Variants in ATP6V1C1 observed in about 807,000 individuals in gnomAD.
ATP6V1C1 encodes the protein ATPase H+ transporting V1 subunit C1.
In ATP6V1C1, 45 loss-of-function variants were observed where a neutral mutation model predicts 53.9. That is an observed-to-expected ratio of 0.83 (90% CI 0.66 to 1.07). The LOEUF is 1.07. Among genes scored for constraint, ATP6V1C1 ranks in the 50% least tolerant of loss-of-function variants. The pLI is 0.00. For missense variants in ATP6V1C1, 315 were observed against 440.3 expected (o/e 0.72, Z 2.55); for synonymous variants, 153 against 155.2 (o/e 0.99, Z 0.11).
intron 9 of ATP6V1C1, 21 bp from the exon 10 acceptor site, chr8:103,063,114 T>C (rs775220823): frequency 1.2e-5 from 20 of 1,607,800 alleles, no homozygotes; most frequent in Non-Finnish European, 1.7e-5. Flanking sequence ...AACAATTTTG[T>C]TTTTTTTCCC....
intron 1 of ATP6V1C1, among the ~76,000 whole-genome samples, chr8:103,035,286 C>A (rs1385425257): frequency 6.6e-6 from 1 of 151,610 alleles, no homozygotes; most frequent in Non-Finnish European, 1.5e-5. Flanking sequence ...TTGCGTTTAT[C>A]TCTAAATCAG....
intron 3 of ATP6V1C1, among the ~76,000 whole-genome samples, chr8:103,043,102 G>A (rs1377486061): frequency 3.3e-5 from 5 of 151,986 alleles, no homozygotes; most frequent in African/African-American, 1.2e-4. Context: ...TTTTTCTTGG[G>A]TATGTACCTA....
At chr8:103,050,081 C>A (rs1817174519) in intron 4 of ATP6V1C1, among the ~76,000 whole-genome samples, 1 of 152,164 alleles carries the variant, frequency 6.6e-6, no homozygotes, top group African/African-American at 2.4e-5. Flanking sequence ...TTTCTTCTTG[C>A]AAATAATAGC....
intron 3 of ATP6V1C1, among the ~76,000 whole-genome samples, chr8:103,046,750 G>T (rs1817103552): frequency 6.6e-6 from 1 of 152,114 alleles, no homozygotes; most frequent in African/African-American, 2.4e-5. Flanking sequence ...AAGTGTTAAA[G>T]GCCAAATATT....
intron 1 of ATP6V1C1, among the ~76,000 whole-genome samples, chr8:103,038,580 CAA>C (rs1180553151): frequency 1.3e-5 from 2 of 151,780 alleles, no homozygotes; most frequent in Non-Finnish European, 2.9e-5. Context: ...TTTATAATAG[CAA>C]AAAAGTAAAA....
intron 1 of ATP6V1C1, among the ~76,000 whole-genome samples, chr8:103,039,962 G>C (rs1318535941): frequency 1.3e-5 from 2 of 151,728 alleles, no homozygotes; most frequent in Non-Finnish European, 2.9e-5. Flanking sequence ...TCAAAGATTT[G>C]AGGAGATTTC....
At chr8:103,043,277 G>T (rs1817033008) in intron 3 of ATP6V1C1, among the ~76,000 whole-genome samples, 1 of 151,952 alleles carries the variant, frequency 6.6e-6, no homozygotes, top group African/African-American at 2.4e-5. Context: ...TTTATTATTT[G>T]TCTTTTTGAT....
At chr8:103,051,642 G>GAGT (rs1383816264) in intron 5 of ATP6V1C1, among the ~76,000 whole-genome samples, 1 of 152,072 alleles carries the variant, frequency 6.6e-6, no homozygotes, top group Non-Finnish European at 1.5e-5. Context: ...TAGTTTCAGG[G>GAGT]AGTACATGGA....
chr8:103,049,523 A>C (rs566135905), intron 4 of ATP6V1C1, among the ~76,000 whole-genome samples: 1 of 152,320 alleles, frequency 6.6e-6, no homozygotes, highest in East Asian at 1.9e-4. Context: ...TGACTTTAGA[A>C]AGATGATTCT....
At chr8:103,024,612 C>G (rs1319483468) in intron 1 of ATP6V1C1, among the ~76,000 whole-genome samples, 1 of 152,160 alleles carries the variant, frequency 6.6e-6, no homozygotes, top group Non-Finnish European at 1.5e-5. Flanking sequence ...ATCTTTTTCA[C>G]TCTTTGGGTG....
At chr8:103,030,389 C>T (rs1042895894) in intron 1 of ATP6V1C1, among the ~76,000 whole-genome samples, 4 of 152,050 alleles carry the variant, frequency 2.6e-5, no homozygotes, top group African/African-American at 4.8e-5. Flanking sequence ...TTAGAAAAAC[C>T]GAACACTCGT....
Position 103,023,883 on chromosome 8 carries a change from T to A in ATP6V1C1, c.-40+2658T>A, listed in dbSNP as rs150509764. 1.3e-3 allele frequency among the ~76,000 whole-genome samples: 196 copies of A among 149,654 alleles called. 1 individual carries two copies. The highest frequency in any genetic ancestry group is 4.6e-3 in the African/African-American group (189 of 41,198). On this transcript the variant is annotated intron_variant, in intron 1 of 12. Coordinates refer to ENST00000518738, the MANE Select transcript of ATP6V1C1 (RefSeq NM_001695.5). The stretch of plus-strand genomic sequence containing the variant: ...GCGAGTTTTTTGAAGTGCACAGTAG[T>A]CTTTGATTCAGCATTTTTTTTTGGG...
intron 1 of ATP6V1C1, among the ~76,000 whole-genome samples, chr8:103,031,295 CTG>C (rs1288157474): frequency 6.6e-6 from 1 of 152,152 alleles, no homozygotes; most frequent in East Asian, 1.9e-4. Context: ...CAGCAAGAGA[CTG>C]TGTTAGTCTT....
rs976008849 is a variant in ATP6V1C1 at position 103,068,073 on chromosome 8, A to G, written c.1054-579A>G. Among the ~76,000 whole-genome samples, 8 of 152,088 alleles carry G rather than the reference A, an allele frequency of 5.3e-5. No homozygotes were observed. In the East Asian group the frequency reaches 5.8e-4, roughly 11 times the overall value. ...TTGGCTCACTGCAGCCTCAACCTCT[A>G]TGCTCAAGTGATCCTCCCACCTCAG... On this transcript the variant is annotated intron_variant, in intron 12 of 12. Coordinates refer to ENST00000518738, the MANE Select transcript of ATP6V1C1 (RefSeq NM_001695.5).
chr8:103,068,777 C>G lies in ATP6V1C1; in HGVS notation c.*30C>G, dbSNP rs533505965. The G allele has an allele frequency of 2.5e-6, 4 of 1,569,996 alleles. No homozygotes were observed. The highest frequency in any genetic ancestry group is 2.3e-5 in the South Asian group (2 of 88,034). On this transcript the variant is annotated 3_prime_UTR_variant, in exon 13 of 13. Transcript: ENST00000518738. ...GGGCTCCTCCCCCGACAATCCTGTC[C>G]TTGTGTTTGTGTGTGCTAACAGAAA...
chr8:103,022,295 G>A (rs533815416), intron 1 of ATP6V1C1, among the ~76,000 whole-genome samples: 1 of 152,152 alleles, frequency 6.6e-6, no homozygotes, highest in Non-Finnish European at 1.5e-5. Flanking sequence ...GATGGGGGTA[G>A]GGAATGCTTC....
chr8:103,039,801 G>A (rs977913337), intron 1 of ATP6V1C1, among the ~76,000 whole-genome samples: 1 of 152,052 alleles, frequency 6.6e-6, no homozygotes, highest in Admixed American at 6.6e-5. Flanking sequence ...GGACTCTTTG[G>A]AAAGGGAGAA....
chr8:103,050,089 A>G (rs765827005), intron 4 of ATP6V1C1, among the ~76,000 whole-genome samples: 1 of 152,248 alleles, frequency 6.6e-6, no homozygotes, highest in Non-Finnish European at 1.5e-5. Flanking sequence ...TGCAAATAAT[A>G]GCTGCTCAAT....
chr8:103,055,092 A>G lies in ATP6V1C1; in HGVS notation c.573-776A>G, dbSNP rs539751509. ...ACATAACTCCCGTCTGCTACACTGA[A>G]ACACTGATTATTTATAACAAATTCT... On this transcript the variant is annotated intron_variant, in intron 7 of 12. Coordinates refer to ENST00000518738, the MANE Select transcript of ATP6V1C1 (RefSeq NM_001695.5). Among the ~76,000 whole-genome samples, 13 of 152,276 alleles carry G rather than the reference A, an allele frequency of 8.5e-5. No individual in the cohort carries two copies. The East Asian group carries it at 2.5e-3, about 29-fold the overall frequency.
Sources: allele counts gnomAD v4.1 joint callset (sites outside exome capture counted in the v4.1 genomes callset), GRCh38; gene constraint gnomAD v4.1.1; transcripts MANE v1.5; gene names NCBI Gene and HGNC (gene_info 2026-07-23, HGNC 2026-07-21).